Variants in DNMT3A observed in about 807,000 individuals in gnomAD.
DNMT3A encodes the protein DNA methyltransferase 3 alpha.
A neutral mutation model predicts 117.6 loss-of-function variants in DNMT3A; 267 were observed. That is an observed-to-expected ratio of 2.27 (90% CI 2.05 to 2.51). The LOEUF (loss-of-function observed/expected upper bound fraction) is 2.51. Among genes scored for constraint, DNMT3A ranks in the 30% most tolerant of loss-of-function variants. The pLI, the probability that DNMT3A is intolerant of heterozygous loss-of-function variation, is 0.00. For synonymous variants in DNMT3A, 432 were observed against 474.8 expected (o/e 0.91, Z 1.17); for missense variants, 1,029 against 1,260.2 (o/e 0.82, Z 2.78).
intron 3 of DNMT3A, among the ~76,000 whole-genome samples, chr2:25,299,152 G>C (rs1186599179): frequency 6.6e-6 from 1 of 152,206 alleles, no homozygotes; most frequent in Admixed American, 6.5e-5. Flanking sequence ...GCTGTCTCTG[G>C]TGCTGGGAAA....
chr2:25,239,081 A>C (rs1573307493), intron 20 of DNMT3A, 49 bp downstream of exon 20: 3 of 1,571,846 alleles, frequency 1.9e-6, no homozygotes, highest in Non-Finnish European at 2.6e-6. Flanking sequence ...GGGTCATCCC[A>C]CCTGCAGTCC....
intron 1 of DNMT3A, among the ~76,000 whole-genome samples, chr2:25,336,917 T>C (rs2035238040): frequency 6.6e-6 from 1 of 152,168 alleles, no homozygotes. Context: ...GGTTGTGACC[T>C]CACTCTCCTT....
intron 1 of DNMT3A, among the ~76,000 whole-genome samples, chr2:25,325,651 A>G (rs1244325716): frequency 6.6e-6 from 1 of 152,042 alleles, no homozygotes; most frequent in Admixed American, 6.6e-5. Flanking sequence ...GAAGACACAC[A>G]CACCCACTTG....
At chr2:25,241,843 C>A in intron 16 of DNMT3A, 136 bp from the exon 17 acceptor site, 2 of 1,154,552 alleles carry the variant, frequency 1.7e-6, no homozygotes, top group Non-Finnish European at 2.4e-6. Context: ...CTGAAGATGC[C>A]TTAAATCCTT....
intron 1 of DNMT3A, among the ~76,000 whole-genome samples, chr2:25,319,304 A>G (rs12993688): frequency 0.56 from 84,085 of 151,120 alleles, 23,703 homozygotes; most frequent in Non-Finnish European, 0.58. Flanking sequence ...ATGAGCCACC[A>G]CGCCCGGGGT....
chr2:25,297,536 A>G (rs1489629704), intron 3 of DNMT3A, among the ~76,000 whole-genome samples: 6 of 141,462 alleles, frequency 4.2e-5, no homozygotes, highest in Non-Finnish European at 9.1e-5. Context: ...TTTGAGACAG[A>G]GTCTCGCTCT....
chr2:25,233,160 G>C lies in DNMT3A; in HGVS notation c.*1119C>G, dbSNP rs1175224682. The C allele has an allele frequency of 8.6e-6, 2 of 233,612 alleles. No homozygotes were observed. Among genetic ancestry groups the C allele is most frequent in the African/African-American group, 2.2e-5 (1 of 45,292 alleles). 14.5% of individuals were successfully genotyped at this position (233,612 alleles called of 1,614,324 possible). A position where few individuals can be genotyped will look rare whatever the true frequency, so the allele number is the denominator to read the frequency against. ...GTCTCCTTTTAGAAAACAATCAAAG[G>C]GTTATTGCATGAGTCTGGATGAATC... On this transcript the variant is annotated 3_prime_UTR_variant, in exon 23 of 23. Transcript: ENST00000321117.
At position 25,234,212 on chromosome 2, in the gene DNMT3A, T is replaced by A; in HGVS notation, c.*67A>T. On this transcript the variant is annotated 3_prime_UTR_variant, in exon 23 of 23. Transcript: ENST00000321117. This position sits in a 1 kb window ranked among gnomAD's most constrained non-coding sequence, Gnocchi z 4.5. ...CCATCCTCATGTTCTTGGTGTTTTA[T>A]TATGTTTTGTGTTTTTTGTTTGTTT... 6.4e-7 allele frequency: 1 copy of A among 1,552,040 alleles called. No individual in the cohort carries two copies. Among genetic ancestry groups the A allele is most frequent in the Non-Finnish European group, 8.7e-7 (1 of 1,143,368 alleles).
intron 14 of DNMT3A, 52 bp downstream of exon 14, chr2:25,244,481 TGGGCGGC>T (rs1674487180): frequency 1.3e-6 from 2 of 1,579,592 alleles, no homozygotes. Context: ...GGGGAGGCGG[TGGGCGGC>T]GGGAGCCTGG....
intron 6 of DNMT3A, among the ~76,000 whole-genome samples, chr2:25,262,290 G>A (rs1045323660): frequency 4.6e-5 from 7 of 151,306 alleles, no homozygotes; most frequent in African/African-American, 1.7e-4. Context: ...CCCCTCCTAA[G>A]AGAAAATATC....
In DNMT3A at chr2:25,248,274, AG is replaced by A. The variant is rs757581209; in HGVS notation, c.640-23del. 5 of 1,611,160 alleles carry A rather than the reference AG, an allele frequency of 3.1e-6. No homozygotes were observed. The South Asian group carries it at 3.3e-5, about 11-fold the overall frequency. ...CAGCCTGGGGAAACAAAAAACAAAA[AG>A]TCACCTTGACCTCTCCAGGAATTAG... On this transcript the variant is annotated intron_variant, in intron 6 of 22. Coordinates refer to ENST00000321117, the MANE Select transcript of DNMT3A (RefSeq NM_022552.5).
chr2:25,242,373 A>T (rs896245685), intron 16 of DNMT3A, among the ~76,000 whole-genome samples: 23 of 152,128 alleles, frequency 1.5e-4, no homozygotes, highest in African/African-American at 5.3e-4. Context: ...TGAGGCAAGG[A>T]AACAATCAGA....
intron 6 of DNMT3A, among the ~76,000 whole-genome samples, chr2:25,274,733 T>C (rs546227321): frequency 6.6e-6 from 1 of 152,352 alleles, no homozygotes; most frequent in East Asian, 1.9e-4. Context: ...AGGAACCGTA[T>C]ACGCCCAGGG....
At chr2:25,274,247 T>C (rs752245776) in intron 6 of DNMT3A, among the ~76,000 whole-genome samples, 2 of 152,220 alleles carry the variant, frequency 1.3e-5, no homozygotes, top group Non-Finnish European at 2.9e-5. Flanking sequence ...CAGCAAGCCC[T>C]AGCTATTCTA....
intron 9 of DNMT3A, 56 bp from the exon 10 acceptor site, chr2:25,246,832 G>T: frequency 6.3e-7 from 1 of 1,596,630 alleles, no homozygotes. Flanking sequence ...AGGCAGATGG[G>T]TCAGGCTCAA....
chr2:25,246,016 T>A lies in DNMT3A; in HGVS notation c.1474+4A>T, dbSNP rs1242966251. On this transcript the variant is annotated splice_donor_region_variant and intron_variant, in intron 12 of 22. Transcript: ENST00000321117. ...GTGCCAGAGTTCCCAGGCAACAAACTTACCCTCAATGTTCCGGCACTTCTG... is the reference window on the plus strand; with the variant it reads ...GTGCCAGAGTTCCCAGGCAACAAACATACCCTCAATGTTCCGGCACTTCTG... The A allele has an allele frequency of 1.2e-6, 2 of 1,613,728 alleles. No individual in the cohort carries two copies. Among genetic ancestry groups the A allele is most frequent in the Admixed American group, 1.7e-5 (1 of 59,998 alleles).
chr2:25,246,112 C>T (rs781673289), intron 11 of DNMT3A, 48 bp from the exon 12 acceptor site: 9 of 1,614,196 alleles, frequency 5.6e-6, no homozygotes, highest in East Asian at 2.2e-5. Context: ...GCCTGCTCCT[C>T]GGATGCAGGC....
intron 6 of DNMT3A, among the ~76,000 whole-genome samples, chr2:25,259,053 G>A (rs1446496912): frequency 2.0e-5 from 3 of 152,136 alleles, no homozygotes; most frequent in Non-Finnish European, 4.4e-5. Flanking sequence ...TGGCTCCCTC[G>A]TTCTCTCCCA....
rs1326163960 is a variant in DNMT3A, at chr2:25,229,251, C to T, written c.*5028G>A. 1 of 152,588 alleles carries T rather than the reference C, an allele frequency of 6.6e-6. No individual in the cohort carries two copies. Among genetic ancestry groups the T allele is most frequent in the Non-Finnish European group, 1.5e-5 (1 of 68,224 alleles). The allele number at this position is 152,588 out of a possible 1,614,324, so 9.5% of individuals were successfully genotyped here. A position where few individuals can be genotyped will look rare whatever the true frequency, so the allele number is the denominator to read the frequency against. On this transcript the variant is annotated 3_prime_UTR_variant, in exon 23 of 23. Transcript: ENST00000321117. The stretch of plus-strand genomic sequence containing the variant: ...TCCATCCTCTCACCCCTTCCCTCTC[C>T]TCCCGGTCCTCCTGACCCCAGCACA...
Sources: allele counts gnomAD v4.1 joint callset (sites outside exome capture counted in the v4.1 genomes callset), GRCh38; gene constraint gnomAD v4.1.1; non-coding constraint Gnocchi (gnomAD v3.1); transcripts MANE v1.5; gene names NCBI Gene and HGNC (gene_info 2026-07-23, HGNC 2026-07-21).